Variants in ABCA6 observed in about 807,000 individuals in gnomAD.
ABCA6 encodes ATP-binding cassette sub-family A member 6.
ABCA6 carries 164 observed loss-of-function variants against 191.2 expected under a neutral mutation model. That is an observed-to-expected ratio of 0.86 (90% CI 0.76 to 0.98). The LOEUF is 0.98. Ranked by LOEUF, ABCA6 falls within the 50% of genes least tolerant of loss-of-function variation. The probability of loss-of-function intolerance (pLI) is 0.00; values close to 1 mark genes in which losing one functional copy is unlikely to be tolerated. For missense variants in ABCA6, 1,958 were observed against 1,894.1 expected (o/e 1.03, Z -0.63); for synonymous variants, 636 against 647.7 (o/e 0.98, Z 0.27).
At chr17:69,131,585 C>G (rs1366904121) in intron 6 of ABCA6, among the ~76,000 whole-genome samples, 1 of 151,948 alleles carries the variant, frequency 6.6e-6, no homozygotes, top group Non-Finnish European at 1.5e-5. Flanking sequence ...AAAAACAAAG[C>G]AATTCAGACA....
intron 25 of ABCA6, among the ~76,000 whole-genome samples, chr17:69,096,011 G>T (rs554839781): frequency 6.6e-6 from 1 of 152,170 alleles, no homozygotes; most frequent in Non-Finnish European, 1.5e-5. Flanking sequence ...CGTTTCAGAC[G>T]TCAGGTCTTC....
chr17:69,082,744 C>A, intron 36 of ABCA6, 129 bp downstream of exon 36: 1 of 1,375,300 alleles, frequency 7.3e-7, no homozygotes, highest in Non-Finnish European at 9.9e-7. Flanking sequence ...GAATACTGAA[C>A]AAATCCTTTT....
intron 36 of ABCA6, among the ~76,000 whole-genome samples, 185 bp from the exon 37 acceptor site, chr17:69,081,330 A>G (rs1430484953): frequency 1.3e-5 from 2 of 152,236 alleles, no homozygotes; most frequent in Non-Finnish European, 2.9e-5. Context: ...TGTTGCAGAC[A>G]GCTCTCCTGG....
At chr17:69,138,932 T>C (rs978629493) in intron 2 of ABCA6, among the ~76,000 whole-genome samples, 1 of 152,058 alleles carries the variant, frequency 6.6e-6, no homozygotes, top group African/African-American at 2.4e-5. Flanking sequence ...TTACACCTTA[T>C]ACAAAAATTA....
At chr17:69,097,840 G>A in intron 23 of ABCA6, 80 bp downstream of exon 23, 1 of 946,130 alleles carries the variant, frequency 1.1e-6, no homozygotes. Context: ...TTTGTCAGAA[G>A]AAAACATTTT....
rs774055927 is a variant in ABCA6 at position 69,117,977 on chromosome 17, C to T, written c.1437-21G>A. On this transcript the variant is annotated intron_variant, in intron 10 of 38. Coordinates refer to ENST00000284425, the MANE Select transcript of ABCA6 (RefSeq NM_080284.3). ...TGATTCTGAAATAACAAAAAGGGTGCTTACTTAGCCAACACAGAAGTGAAA... is the reference window on the plus strand; with the variant it reads ...TGATTCTGAAATAACAAAAAGGGTGTTTACTTAGCCAACACAGAAGTGAAA... 1.6e-5 allele frequency: 25 copies of T among 1,552,542 alleles called. No homozygotes were observed. The East Asian group carries it at 4.3e-4, about 27-fold the overall frequency.
chr17:69,097,131 G>A (rs918131754), intron 23 of ABCA6, among the ~76,000 whole-genome samples: 3 of 152,148 alleles, frequency 2.0e-5, no homozygotes, highest in Non-Finnish European at 4.4e-5. Context: ...GGTGGCTCAC[G>A]CCTGTAATCC....
At chr17:69,138,665 T>C (rs112502880) in intron 2 of ABCA6, among the ~76,000 whole-genome samples, 4,266 of 151,318 alleles carry the variant, frequency 0.028, 97 homozygotes, top group Non-Finnish European at 0.043. Flanking sequence ...AGAACAAAGC[T>C]GGAGGCATCA....
Position 69,113,644 on chromosome 17 carries a change from C to G in ABCA6, c.1876G>C (p.Gly626Arg). 2 of 1,613,004 alleles carry G rather than the reference C, an allele frequency of 1.2e-6. No homozygotes were observed. The highest frequency in any genetic ancestry group is 1.7e-6 in the Non-Finnish European group (2 of 1,179,342). The change falls in exon 14 of 39, where the codon GGG becomes CGG. Residue 626 changes from glycine (G) to arginine (R), a missense_variant. Coordinates refer to ENST00000284425, the MANE Select transcript of ABCA6 (RefSeq NM_080284.3). ...TGAGGATCTCCTAAAATGGTAATCC[C>G]AAAAGTCAGCTTTCTTTTCTGTCCT... is the stretch of plus-strand genomic sequence containing the variant. ...SEGQKRKLTF[G>R]ITILGDPQIL...
intron 9 of ABCA6, 46 bp downstream of exon 9, chr17:69,124,842 G>A: frequency 1.8e-6 from 2 of 1,132,708 alleles, no homozygotes; most frequent in Non-Finnish European, 2.5e-6. Flanking sequence ...TATATTCAAT[G>A]TAATTAATAA....
chr17:69,119,312 C>A (rs536272020), intron 10 of ABCA6, among the ~76,000 whole-genome samples: 18 of 152,214 alleles, frequency 1.2e-4, no homozygotes, highest in Non-Finnish European at 2.4e-4. Context: ...CAACTACTCT[C>A]TTCCTGATTC....
intron 22 of ABCA6, among the ~76,000 whole-genome samples, 165 bp downstream of exon 22, chr17:69,100,631 GA>G (rs10713615): frequency 0.81 from 123,595 of 151,896 alleles, 52,559 homozygotes; most frequent in Non-Finnish European, 0.94. Flanking sequence ...AACTTGGCAG[GA>G]AAAAAAAATC....
In ABCA6 at chr17:69,113,311, T is replaced by C. The variant is rs1228351134; in HGVS notation, c.1952A>G (p.Asp651Gly). Residue 651 changes from aspartate (D) to glycine (G), a missense_variant, in exon 15 of 39, where the codon GAT (aspartate) becomes GGT (glycine). By Grantham distance (94) the Asp-to-Gly change is moderately conservative (BLOSUM62 -1). Transcript: ENST00000284425. Reference protein sequence around the residue: ...PTTGLDPFSRDQVWSLLRERR... With the variant: ...PTTGLDPFSRGQVWSLLRERR... ...CTCTCTCAGGAGGCTCCACACTTGA[T>C]CTCTGGAAAAGGGATCCAATCCAGT... is the stretch of plus-strand genomic sequence containing the variant. 1.9e-6 allele frequency: 3 copies of C among 1,596,390 alleles called. No homozygotes were observed. In the African/African-American group the frequency reaches 4.1e-5, roughly 22 times the overall value.
chr17:69,133,153 A>G (rs956000717), intron 6 of ABCA6, among the ~76,000 whole-genome samples: 3 of 152,170 alleles, frequency 2.0e-5, no homozygotes, highest in African/African-American at 7.2e-5. Context: ...TATAGTATTT[A>G]CTTGCTCCAA....
intron 20 of ABCA6, among the ~76,000 whole-genome samples, chr17:69,103,413 T>C (rs2073223331): frequency 6.6e-6 from 1 of 152,226 alleles, no homozygotes. Context: ...AACACATACA[T>C]ATGTTTTACT....
chr17:69,089,302 T>TA, intron 27 of ABCA6, among the ~76,000 whole-genome samples, 163 bp downstream of exon 27: 1 of 152,166 alleles, frequency 6.6e-6, no homozygotes, highest in Non-Finnish European at 1.5e-5. Context: ...TCCAAGCATG[T>TA]AAAAAGTAAC....
intron 10 of ABCA6, among the ~76,000 whole-genome samples, chr17:69,118,822 G>A (rs528092930): frequency 1.2e-3 from 186 of 151,902 alleles, no homozygotes; most frequent in Non-Finnish European, 1.8e-3. Context: ...AAGTTTTCTC[G>A]TTGGATTTTT....
rs778912530 is a variant in ABCA6, at chr17:69,096,739, C to T, written c.3183G>A (p.Gln1061=). ...TGAAGAAGCTGACGTCCACTAGTGCCTGCCCACACCAGTAAGCAGAAGTGT... is the reference window on the plus strand; with the variant it reads ...TGAAGAAGCTGACGTCCACTAGTGCTTGCCCACACCAGTAAGCAGAAGTGT... ...GLYTSAYWCG[Q]ALVDVSFFIL... The change falls in exon 24 of 39, where the codon CAG becomes CAA. Residue 1061 remains glutamine (Q), a synonymous_variant. Coordinates refer to ENST00000284425, the MANE Select transcript of ABCA6 (RefSeq NM_080284.3). 1.1e-5 allele frequency: 17 copies of T among 1,588,220 alleles called. No individual in the cohort carries two copies. Among genetic ancestry groups the T allele is most frequent in the Non-Finnish European group, 1.3e-5 (15 of 1,170,430 alleles).
chr17:69,126,075 A>G (rs187897677), intron 8 of ABCA6, among the ~76,000 whole-genome samples: 32 of 152,174 alleles, frequency 2.1e-4, no homozygotes, highest in Admixed American at 1.8e-3. Context: ...AAAAGAAATA[A>G]AAAGCATAAG....
Sources: allele counts gnomAD v4.1 joint callset (sites outside exome capture counted in the v4.1 genomes callset), GRCh38; gene constraint gnomAD v4.1.1; transcripts MANE v1.5; gene names NCBI Gene and HGNC (gene_info 2026-07-23, HGNC 2026-07-21).